Variants in RGS6 observed in about 807,000 individuals in gnomAD.
RGS6 encodes the protein regulator of G protein signaling 6, also known as regulator of G-protein signaling 6.
In RGS6, 30 loss-of-function variants were observed where a neutral mutation model predicts 78.5. The observed-to-expected ratio is 0.38, with a 90% CI of 0.29 to 0.52. The LOEUF (loss-of-function observed/expected upper bound fraction) is 0.52. RGS6 is among the 20% of genes least tolerant of loss of function. The pLI, the probability that RGS6 is intolerant of heterozygous loss-of-function variation, is 0.85. For synonymous variants in RGS6, 206 were observed against 206.0 expected (o/e 1.00, Z 0.00); for missense variants, 495 against 609.7 (o/e 0.81, Z 1.98).
chr14:72,523,292 G>C (rs1348263788), intron 15 of RGS6, among the ~76,000 whole-genome samples: 1 of 152,126 alleles, frequency 6.6e-6, no homozygotes, highest in Non-Finnish European at 1.5e-5. Context: ...GAGTCTGGGA[G>C]TTCCTTCTAG....
chr14:71,938,171 TACAGATAGCTTC>T (rs1291156794), intron 1 of RGS6, among the ~76,000 whole-genome samples: 4 of 152,194 alleles, frequency 2.6e-5, no homozygotes, highest in Non-Finnish European at 2.9e-5. Context: ...TTACATGGGA[TACAGATAGCTTC>T]ACAGTTTTTG....
At chr14:72,434,689 T>C (rs10140506) in intron 3 of RGS6, among the ~76,000 whole-genome samples, 1,984 of 152,250 alleles carry the variant, frequency 0.013, 44 homozygotes, top group African/African-American at 0.046. Context: ...TATCCAGCAG[T>C]CAACATAGTC....
At chr14:72,048,537 A>G (rs545430595) in intron 2 of RGS6, among the ~76,000 whole-genome samples, 28 of 152,274 alleles carry the variant, frequency 1.8e-4, no homozygotes, top group African/African-American at 6.5e-4. Context: ...TCAGAATGGA[A>G]ATTTATGGTC....
chr14:72,500,720 G>A (rs527926607), intron 13 of RGS6, among the ~76,000 whole-genome samples: 1 of 152,314 alleles, frequency 6.6e-6, no homozygotes, highest in South Asian at 2.1e-4. Context: ...GGAGAGGGTT[G>A]TGCTGTCCTG....
At chr14:71,897,127 T>G in the RGS6 span, among the ~76,000 whole-genome samples, 1 of 152,214 alleles carries the variant, frequency 6.6e-6, no homozygotes, top group Non-Finnish European at 1.5e-5. Context: ...AAGAGATATG[T>G]CTCTACACTG....
chr14:71,902,068 C>A, the RGS6 span, among the ~76,000 whole-genome samples: 1 of 65,094 alleles, frequency 1.5e-5, no homozygotes, highest in African/African-American at 3.8e-5. Flanking sequence ...AGTCAACATT[C>A]TGAGGAGAAA....
chr14:72,135,142 A>G (rs148053658), intron 2 of RGS6, among the ~76,000 whole-genome samples: 3 of 152,328 alleles, frequency 2.0e-5, no homozygotes, highest in East Asian at 1.9e-4. Flanking sequence ...GTACATGGGT[A>G]GTGGTTGAGT....
chr14:72,203,821 CTTTTTT>C (rs142494669), intron 2 of RGS6, among the ~76,000 whole-genome samples: 25 of 106,712 alleles, frequency 2.3e-4, no homozygotes, highest in Non-Finnish European at 2.6e-4. Context: ...TTCTTTCTTT[CTTTTTT>C]TTTTTTTTTT....
At chr14:72,275,299 C>G (rs1367384991) in intron 2 of RGS6, among the ~76,000 whole-genome samples, 1 of 152,022 alleles carries the variant, frequency 6.6e-6, no homozygotes, top group African/African-American at 2.4e-5. Flanking sequence ...ACTTAATAAC[C>G]ATAATACTAA....
chr14:71,896,393 G>A, the RGS6 span, among the ~76,000 whole-genome samples: 1 of 152,120 alleles, frequency 6.6e-6, no homozygotes, highest in Non-Finnish European at 1.5e-5. Context: ...ATGTTGCCAT[G>A]GCATTTGTAA....
intron 12 of RGS6, 85 bp downstream of exon 12, chr14:72,478,414 C>A: frequency 1.0e-6 from 1 of 975,032 alleles, no homozygotes; most frequent in Non-Finnish European, 1.6e-6. Context: ...CGAATGTGTT[C>A]AATGCCAAGA....
chr14:72,272,332 A>G (rs1349955238), intron 2 of RGS6, among the ~76,000 whole-genome samples: 2 of 152,212 alleles, frequency 1.3e-5, no homozygotes, highest in Admixed American at 6.5e-5. Context: ...TTTTATGGAA[A>G]TAGCACTTGC....
intron 2 of RGS6, among the ~76,000 whole-genome samples, chr14:72,308,904 C>T (rs868182877): frequency 1.3e-5 from 2 of 152,190 alleles, no homozygotes; most frequent in South Asian, 4.1e-4. Context: ...ATCATCAAGT[C>T]ATTTCATGCC....
At chr14:72,130,890 G>A (rs1598104091) in intron 2 of RGS6, among the ~76,000 whole-genome samples, 1 of 152,348 alleles carries the variant, frequency 6.6e-6, no homozygotes, top group African/African-American at 2.4e-5. Context: ...TGGGGGGATA[G>A]GAGGGTGATG....
At chr14:72,189,804 G>A (rs1028595998) in intron 2 of RGS6, among the ~76,000 whole-genome samples, 1 of 152,032 alleles carries the variant, frequency 6.6e-6, no homozygotes, top group East Asian at 1.9e-4. Context: ...AATACCACAT[G>A]GTTGAGACAC....
intron 15 of RGS6, among the ~76,000 whole-genome samples, chr14:72,528,478 C>G (rs554002805): frequency 6.6e-6 from 1 of 152,260 alleles, no homozygotes; most frequent in East Asian, 1.9e-4. Context: ...ATTTAGAGCC[C>G]TAGAGCATTG....
the RGS6 span, among the ~76,000 whole-genome samples, chr14:71,896,851 A>G: frequency 6.6e-6 from 1 of 152,164 alleles, no homozygotes; most frequent in African/African-American, 2.4e-5. Context: ...TGACCTTGCT[A>G]TTTTATGAGT....
chr14:72,146,379 A>G (rs567346625), intron 2 of RGS6, among the ~76,000 whole-genome samples: 5 of 152,300 alleles, frequency 3.3e-5, no homozygotes, highest in Admixed American at 3.3e-4. Context: ...CATGTAAAAT[A>G]TATTTATTTC....
intron 2 of RGS6, among the ~76,000 whole-genome samples, chr14:72,253,917 G>T (rs560068898): frequency 6.6e-6 from 1 of 152,274 alleles, no homozygotes; most frequent in East Asian, 1.9e-4. Context: ...CTGGCATTAC[G>T]TTTCGGGGCA....
Sources: gnomAD v4.1 joint callset for allele counts (sites outside exome capture counted in the v4.1 genomes callset) on GRCh38, gnomAD v4.1.1 for gene constraint, MANE v1.5 for transcripts, NCBI Gene and HGNC (gene_info 2026-07-23, HGNC 2026-07-21) for gene names.